The following PTPN12 variants were observed in gnomAD, a reference collection of about 807,000 sequenced individuals.
PTPN12 encodes tyrosine-protein phosphatase non-receptor type 12.
Under a neutral mutation model 97.6 loss-of-function variants are expected in PTPN12, and 29 were observed. The observed-to-expected ratio is 0.30, with a 90% CI of 0.22 to 0.41. The LOEUF is 0.41. Among genes scored for constraint, PTPN12 ranks in the 10% least tolerant of loss-of-function variants. The probability of loss-of-function intolerance (pLI) is 1.00; values close to 1 mark genes in which losing one functional copy is unlikely to be tolerated. For synonymous variants in PTPN12, 327 were observed against 300.4 expected (o/e 1.09, Z -0.91); for missense variants, 819 against 926.0 (o/e 0.88, Z 1.50).
intron 8 of PTPN12, among the ~76,000 whole-genome samples, chr7:77,605,408 A>AG (rs200689812): frequency 0.012 from 458 of 37,824 alleles, 69 homozygotes; most frequent in Middle Eastern, 0.029. Context: ...TTTTGTCATG[A>AG]GTTTTTTTTT....
At chr7:77,552,774 G>T (rs1207684988) in intron 1 of PTPN12, among the ~76,000 whole-genome samples, 1 of 152,206 alleles carries the variant, frequency 6.6e-6, no homozygotes, top group African/African-American at 2.4e-5. Flanking sequence ...GTTTACAACA[G>T]TTATATAGGT....
At chr7:77,599,435 A>G (rs970211329) in intron 7 of PTPN12, among the ~76,000 whole-genome samples, 18 of 149,470 alleles carry the variant, frequency 1.2e-4, no homozygotes, top group Admixed American at 1.1e-3. Context: ...GACTATAGGG[A>G]TGAGCCACCA....
At chr7:77,573,002 G>A (rs1405247251) in intron 2 of PTPN12, among the ~76,000 whole-genome samples, 1 of 148,510 alleles carries the variant, frequency 6.7e-6, no homozygotes, top group Non-Finnish European at 1.5e-5. Flanking sequence ...AGAATTGCCT[G>A]AACCCAGGAG....
At chr7:77,571,375 A>AT (rs1253286849) in intron 2 of PTPN12, among the ~76,000 whole-genome samples, 189 bp downstream of exon 2, 4 of 152,012 alleles carry the variant, frequency 2.6e-5, no homozygotes, top group Admixed American at 2.0e-4. Context: ...TTTTTGTTTA[A>AT]TTTTTTTCCT....
chr7:77,568,389 CT>C (rs1254463462), intron 1 of PTPN12, among the ~76,000 whole-genome samples: 1 of 152,168 alleles, frequency 6.6e-6, no homozygotes, highest in African/African-American at 2.4e-5. Flanking sequence ...TTCCCCAGCA[CT>C]TTGGAATGTT....
chr7:77,602,200 G>A (rs1242721997), intron 8 of PTPN12, among the ~76,000 whole-genome samples: 1 of 151,900 alleles, frequency 6.6e-6, no homozygotes, highest in Admixed American at 6.6e-5. Flanking sequence ...GGGGGTTAAT[G>A]TATAATATAT....
intron 2 of PTPN12, among the ~76,000 whole-genome samples, chr7:77,579,715 G>A (rs1205537381): frequency 1.3e-5 from 2 of 152,058 alleles, no homozygotes; most frequent in African/African-American, 4.8e-5. Flanking sequence ...TGTGACAGAG[G>A]GCTGATTTTT....
At chr7:77,605,421 T>TTTTTTTTG (rs1788334193) in intron 8 of PTPN12, among the ~76,000 whole-genome samples, 1 of 131,760 alleles carries the variant, frequency 7.6e-6, no homozygotes, top group Non-Finnish European at 1.6e-5. Flanking sequence ...TTTTTTTTTT[T>TTTTTTTTG]TTTTTTTTTT....
chr7:77,629,023 C>T (rs1356227669), intron 13 of PTPN12, among the ~76,000 whole-genome samples: 1 of 152,202 alleles, frequency 6.6e-6, no homozygotes, highest in African/African-American at 2.4e-5. Context: ...AATCTTGGCT[C>T]ACTGCAACCT....
chr7:77,602,098 TAAG>T (rs1159880503), intron 8 of PTPN12, among the ~76,000 whole-genome samples: 1 of 152,066 alleles, frequency 6.6e-6, no homozygotes, highest in Non-Finnish European at 1.5e-5. Flanking sequence ...TTGGATGTGT[TAAG>T]AAATCATGTA....
intron 8 of PTPN12, among the ~76,000 whole-genome samples, chr7:77,604,079 G>A (rs766574953): frequency 1.1e-4 from 17 of 150,428 alleles, no homozygotes; most frequent in East Asian, 5.8e-4. Context: ...TAGTAGAGAC[G>A]GGGTTTCACT....
Position 77,589,790 on chromosome 7 carries a change from T to C in PTPN12, c.421-2395T>C, listed in dbSNP as rs559976561. Among the ~76,000 whole-genome samples, 8 of 152,310 alleles carry C rather than the reference T, an allele frequency of 5.3e-5. No individual in the cohort carries two copies. In the South Asian group the frequency reaches 1.7e-3, roughly 32 times the overall value. ...ATTATTAATCAATTGTCTAAGAGAA[T>C]TTAAATGTCATTCTCCTAATGTTTT... On this transcript the variant is annotated intron_variant, in intron 5 of 17. Transcript: ENST00000248594.
chr7:77,568,481 A>C (rs1390380581), intron 1 of PTPN12, among the ~76,000 whole-genome samples: 4 of 152,170 alleles, frequency 2.6e-5, no homozygotes, highest in African/African-American at 9.7e-5. Flanking sequence ...CCTACAAAAA[A>C]TAGTAATAAT....
rs1711846495 is a variant in PTPN12, at chr7:77,637,060, G to C, written c.2173+12G>C. On this transcript the variant is annotated intron_variant, in intron 16 of 17. Coordinates refer to ENST00000248594, the MANE Select transcript of PTPN12 (RefSeq NM_002835.4). ...AAATGAGAAATGTGGTAAGTTGTTAGATTTTTTTTTTCCTTTTTACTGTAG... is the reference window on the plus strand; with the variant it reads ...AAATGAGAAATGTGGTAAGTTGTTACATTTTTTTTTTCCTTTTTACTGTAG... 4 of 1,601,966 alleles carry C rather than the reference G, an allele frequency of 2.5e-6. No homozygotes were observed. The highest frequency in any genetic ancestry group is 3.4e-6 in the Non-Finnish European group (4 of 1,170,740).
intron 5 of PTPN12, among the ~76,000 whole-genome samples, chr7:77,590,559 C>A (rs1169397021): frequency 1.4e-5 from 2 of 141,742 alleles, no homozygotes. Flanking sequence ...TTTTTTAAAT[C>A]TTTTTTTTTT....
intron 11 of PTPN12, among the ~76,000 whole-genome samples, 163 bp from the exon 12 acceptor site, chr7:77,618,317 C>T (rs546317609): frequency 1.1e-4 from 16 of 151,996 alleles, no homozygotes; most frequent in African/African-American, 3.9e-4. Flanking sequence ...AAGTCTGGTC[C>T]TTCAGGCTAA....
At chr7:77,555,831 C>A (rs942938604) in intron 1 of PTPN12, among the ~76,000 whole-genome samples, 9 of 151,808 alleles carry the variant, frequency 5.9e-5, no homozygotes, top group Non-Finnish European at 1.5e-5. Flanking sequence ...AGGAGAATGT[C>A]GTGAACCCAG....
chr7:77,545,188 A>G (rs549329858), intron 1 of PTPN12, among the ~76,000 whole-genome samples: 2 of 152,330 alleles, frequency 1.3e-5, no homozygotes, highest in South Asian at 4.1e-4. Flanking sequence ...TGTCATCGGT[A>G]TCTCTTCAAA....
At chr7:77,571,962 C>T (rs935200575) in intron 2 of PTPN12, among the ~76,000 whole-genome samples, 1 of 152,184 alleles carries the variant, frequency 6.6e-6, no homozygotes, top group Non-Finnish European at 1.5e-5. Context: ...GTCATACTTG[C>T]TATCTTTTAA....
Sources: gnomAD v4.1 joint callset for allele counts (sites outside exome capture counted in the v4.1 genomes callset) on GRCh38, gnomAD v4.1.1 for gene constraint, MANE v1.5 for transcripts, NCBI Gene and HGNC (gene_info 2026-07-23, HGNC 2026-07-21) for gene names.